FUNDC2: variants seen among roughly 807,000 people sequenced by gnomAD.
The protein encoded by FUNDC2 is FUN14 domain containing 2, also known as FUN14 domain-containing protein 2.
Under a neutral mutation model 15.6 loss-of-function variants are expected in FUNDC2, and 4 were observed. The ratio of observed to expected loss-of-function variants is 0.26; its 90% CI spans 0.13 to 0.59. The LOEUF (loss-of-function observed/expected upper bound fraction) is 0.59, where lower values mean the gene tolerates loss of function less well. Ranked by LOEUF, FUNDC2 falls within the 20% of genes least tolerant of loss-of-function variation. The probability of loss-of-function intolerance (pLI) is 0.90; values close to 1 mark genes in which losing one functional copy is unlikely to be tolerated. For synonymous variants in FUNDC2, 44 were observed against 56.9 expected (o/e 0.77, Z 1.02); for missense variants, 98 against 149.7 (o/e 0.65, Z 1.80).
intron 2 of FUNDC2, among the ~76,000 whole-genome samples, chrX:155,034,918 T>G (rs1417366779): frequency 8.9e-6 from 1 of 111,836 alleles, no homozygotes; most frequent in African/African-American, 3.3e-5. Flanking sequence ...CTTTCCCTTG[T>G]TAAGCTGTAA....
In FUNDC2 at chrX:155,055,575, C is replaced by G. The variant is rs1557290801; in HGVS notation, c.*903C>G. ...GAAATAAATTTCCATCAAGTGTAAT[C>G]TACCGTCTCATGATGACCACAACCC... On this transcript the variant is annotated 3_prime_UTR_variant, in exon 5 of 5. Coordinates refer to ENST00000369498, the MANE Select transcript of FUNDC2 (RefSeq NM_023934.4). 6 of 239,318 alleles carry G rather than the reference C, an allele frequency of 2.5e-5. No individual in the cohort carries two copies. Among genetic ancestry groups the G allele is most frequent in the Non-Finnish European group, 3.7e-5 (5 of 135,162 alleles). The allele number at this position is 239,318 out of a possible 1,213,427, so 19.7% of individuals were successfully genotyped here.
intron 1 of FUNDC2, chrX:155,032,841 C>G: frequency 9.0e-6 from 1 of 111,539 alleles, no homozygotes. Context: ...TTTTATAGGT[C>G]TTTTTGGATT....
intron 2 of FUNDC2, 43 bp downstream of exon 2, chrX:155,033,596 T>C: frequency 8.7e-7 from 1 of 1,149,197 alleles, no homozygotes; most frequent in Non-Finnish European, 1.2e-6. Context: ...GTGCATGATT[T>C]AGTATTGCAG....
rs1317806900 is a variant in FUNDC2 at position 155,056,666 on chromosome X, TGATAGTG to T, written c.*1996_*2002del. The T allele has an allele frequency of 9.0e-6, 1 of 111,062 alleles. No individual in the cohort carries two copies. The highest frequency in any genetic ancestry group is 9.6e-5 in the Admixed American group (1 of 10,415). The allele number at this position is 111,062 out of a possible 1,213,427, so 9.2% of individuals were successfully genotyped here. On this transcript the variant is annotated 3_prime_UTR_variant, in exon 5 of 5. Coordinates refer to ENST00000369498, the MANE Select transcript of FUNDC2 (RefSeq NM_023934.4). ...GGTCTCTGGGTTATGCCATATATGG[TGATAGTG>T]GCTGCAGCCACTTTACCTGTGTGAC...
At position 155,056,470 on chromosome X, in the gene FUNDC2, A is replaced by G. The variant is rs941901302; in HGVS notation, c.*1798A>G. On this transcript the variant is annotated 3_prime_UTR_variant, in exon 5 of 5. Transcript: ENST00000369498. The stretch of plus-strand genomic sequence containing the variant: ...TTGAATCAAAATTCATGCAAGGTTC[A>G]CATCGTATTTGCATGATTTGGATAA... The G allele has an allele frequency of 9.0e-6, 1 of 111,082 alleles. No homozygotes were observed. The highest frequency in any genetic ancestry group is 9.5e-5 in the Admixed American group (1 of 10,510). 9.2% of individuals were successfully genotyped at this position (111,082 alleles called of 1,213,427 possible).
intron 2 of FUNDC2, among the ~76,000 whole-genome samples, chrX:155,042,738 T>C (rs1427954743): frequency 8.9e-6 from 1 of 111,894 alleles, no homozygotes; most frequent in African/African-American, 3.3e-5. Context: ...AGAGGTCTTA[T>C]ACCCATTCCC....
chrX:155,046,168 C>T (rs191673290), intron 2 of FUNDC2, among the ~76,000 whole-genome samples: 1 of 109,972 alleles, frequency 9.1e-6, no homozygotes, highest in Non-Finnish European at 1.9e-5. Flanking sequence ...ATCTCTACCT[C>T]GGCCCATTGG....
At chrX:155,040,034 G>C (rs1415049909) in intron 2 of FUNDC2, among the ~76,000 whole-genome samples, 7 of 111,766 alleles carry the variant, frequency 6.3e-5, no homozygotes, top group African/African-American at 2.3e-4. Context: ...TCAGCCTTCT[G>C]TAGTTTTCAG....
intron 2 of FUNDC2, among the ~76,000 whole-genome samples, chrX:155,035,056 A>G (rs2073826898): frequency 9.0e-6 from 1 of 111,572 alleles, no homozygotes; most frequent in East Asian, 2.8e-4. Context: ...TCTTATTTTT[A>G]ATATAGTCAA....
chrX:155,045,803 C>G (rs1351892983), intron 2 of FUNDC2, among the ~76,000 whole-genome samples: 5 of 111,370 alleles, frequency 4.5e-5, no homozygotes, highest in African/African-American at 1.3e-4. Flanking sequence ...GATAGGTGTT[C>G]AGCAATGAAA....
chrX:155,049,867 C>T (rs1557290337), intron 3 of FUNDC2: 3 of 112,474 alleles, frequency 2.7e-5, no homozygotes, highest in East Asian at 5.5e-4. Flanking sequence ...ATCATTTAAA[C>T]ATTTTTCATT....
At chrX:155,042,175 CTTTTTTTTTTTTTTTTT>C (rs1175079092) in intron 2 of FUNDC2, among the ~76,000 whole-genome samples, 1 of 39,200 alleles carries the variant, frequency 2.6e-5, no homozygotes, top group South Asian at 1.9e-3. Flanking sequence ...CTTTTTCTAT[CTTTTTTTTTTTTTTTTT>C]TTTTTTTTTT....
Position 155,057,681 on chromosome X carries a change from T to G in FUNDC2, c.*3009T>G, listed in dbSNP as rs1213665712. ...TCAGGGACCCCTTCTGTCCCCTTCCTGGCTACTATGGGTCGGCCCTGCGTC... is the reference window on the plus strand; with the variant it reads ...TCAGGGACCCCTTCTGTCCCCTTCCGGGCTACTATGGGTCGGCCCTGCGTC... On this transcript the variant is annotated 3_prime_UTR_variant, in exon 5 of 5. Transcript: ENST00000369498. The G allele has an allele frequency of 8.9e-6, 1 of 112,063 alleles. No homozygotes were observed. The highest frequency in any genetic ancestry group is 9.4e-5 in the Admixed American group (1 of 10,668). The allele number at this position is 112,063 out of a possible 1,213,427, so 9.2% of individuals were successfully genotyped here.
chrX:155,059,009 A>C lies in FUNDC2; in HGVS notation c.*4337A>C. 1.8e-5 allele frequency: 2 copies of C among 111,539 alleles called. 1 individual carries two copies. Among genetic ancestry groups the C allele is most frequent in the Middle Eastern group, 9.1e-3 (2 of 219 alleles). 9.2% of individuals were successfully genotyped at this position (111,539 alleles called of 1,213,427 possible). Reference sequence around the variant, plus strand: ...ACCTGTGAAATTTTAAAAACTACTAATGCCTGGCTCTCATCCTAGAGATTC... The same window carrying C: ...ACCTGTGAAATTTTAAAAACTACTACTGCCTGGCTCTCATCCTAGAGATTC... On this transcript the variant is annotated 3_prime_UTR_variant, in exon 5 of 5. Coordinates refer to ENST00000369498, the MANE Select transcript of FUNDC2 (RefSeq NM_023934.4).
In FUNDC2 at chrX:155,026,928, C is replaced by G; in HGVS notation, c.-11C>G. The G allele has an allele frequency of 8.5e-7, 1 of 1,183,001 alleles. No homozygotes were observed. Among genetic ancestry groups the G allele is most frequent in the Non-Finnish European group, 1.1e-6 (1 of 883,429 alleles). ...GCGCCCGGCCCTCCCTCTTCCGCTG[C>G]CGCCGTGGGAATGGAAACATCTGCC... On this transcript the variant is annotated 5_prime_UTR_variant, in exon 1 of 5. Transcript: ENST00000369498.
Position 155,057,043 on chromosome X carries a change from GCTA to G in FUNDC2, c.*2372_*2374del, listed in dbSNP as rs1569560293. 4.1e-5 allele frequency: 4 copies of G among 96,417 alleles called. No homozygotes were observed. Among genetic ancestry groups the G allele is most frequent in the Non-Finnish European group, 8.9e-5 (4 of 45,179 alleles). The allele number at this position is 96,417 out of a possible 1,213,427, so 7.9% of individuals were successfully genotyped here. ...CAGTATTGCAGGTTGGCCTCATCCT[GCTA>G]GTATGAGAACGGCTGTGAGTTCTGC... On this transcript the variant is annotated 3_prime_UTR_variant, in exon 5 of 5. Transcript: ENST00000369498.
Position 155,057,893 on chromosome X carries a change from C to G in FUNDC2, c.*3221C>G, listed in dbSNP as rs1164435519. The G allele has an allele frequency of 9.0e-6, 1 of 111,685 alleles. No homozygotes were observed. The highest frequency in any genetic ancestry group is 1.9e-5 in the Non-Finnish European group (1 of 53,079). 9.2% of individuals were successfully genotyped at this position (111,685 alleles called of 1,213,427 possible). ...CTGGCCGCTGCCTGCTCGGGCTCAA[C>G]AGATGGAGTCCAATGTTTCAGTCTC... On this transcript the variant is annotated 3_prime_UTR_variant, in exon 5 of 5. Coordinates refer to ENST00000369498, the MANE Select transcript of FUNDC2 (RefSeq NM_023934.4).
rs200768001 is a variant in FUNDC2 at position 155,046,291 on chromosome X, TA to T, written c.285-216del. On this transcript the variant is annotated intron_variant, in intron 2 of 4. Transcript: ENST00000369498. ...TAGCCAGAGTCATCTTTTAAAAATATAACCTGAGAGTTTTAAGGGACTTACT... is the reference window on the plus strand; with the variant it reads ...TAGCCAGAGTCATCTTTTAAAAATATACCTGAGAGTTTTAAGGGACTTACT... Among the ~76,000 whole-genome samples the T allele has an allele frequency of 3.2e-3, 357 of 111,580 alleles. 9 individuals carry two copies. The highest frequency in any genetic ancestry group is 0.031 in the Admixed American group (326 of 10,484).
intron 3 of FUNDC2, chrX:155,049,019 C>G (rs1460307702): frequency 8.9e-6 from 1 of 112,868 alleles, no homozygotes; most frequent in African/African-American, 3.2e-5. Flanking sequence ...CATCTGTGAA[C>G]AGTGAAATTT....
Sources: gnomAD v4.1 joint callset for allele counts (sites outside exome capture counted in the v4.1 genomes callset) on GRCh38, gnomAD v4.1.1 for gene constraint, MANE v1.5 for transcripts, NCBI Gene and HGNC (gene_info 2026-07-23, HGNC 2026-07-21) for gene names.